The following DZIP1L variants were observed in gnomAD, a reference collection of about 807,000 sequenced individuals.
DZIP1L encodes cilium assembly protein DZIP1L.
A neutral mutation model predicts 88.7 loss-of-function variants in DZIP1L; 90 were observed. The observed-to-expected ratio is 1.02, with a 90% CI of 0.86 to 1.21. The LOEUF (loss-of-function observed/expected upper bound fraction) is 1.21. DZIP1L is among the 50% of genes most tolerant of loss of function. DZIP1L has a pLI of 0.00. For missense variants in DZIP1L, 932 were observed against 955.8 expected (o/e 0.98, Z 0.33); for synonymous variants, 363 against 372.1 (o/e 0.98, Z 0.28).
At chr3:138,103,413 C>T (rs1224227028) in intron 2 of DZIP1L, 58 bp downstream of exon 2, 5 of 1,536,248 alleles carry the variant, frequency 3.3e-6, no homozygotes, top group Admixed American at 3.6e-5. Flanking sequence ...GCAACAGTTG[C>T]CCCAGTGGCT....
intron 2 of DZIP1L, 64 bp downstream of exon 2, chr3:138,103,407 C>T (rs1559860404): frequency 6.6e-7 from 1 of 1,526,150 alleles, no homozygotes; most frequent in Non-Finnish European, 8.8e-7. Context: ...CCAGTGGCAA[C>T]AGTTGCCCCA....
chr3:138,076,182 C>G (rs1271236833), intron 11 of DZIP1L, among the ~76,000 whole-genome samples: 3 of 152,076 alleles, frequency 2.0e-5, no homozygotes, highest in South Asian at 2.1e-4. Context: ...CACTAATTAC[C>G]AGGAAAATGC....
At chr3:138,072,844 G>A (rs1380445415) in intron 11 of DZIP1L, among the ~76,000 whole-genome samples, 1 of 152,128 alleles carries the variant, frequency 6.6e-6, no homozygotes, top group East Asian at 1.9e-4. Flanking sequence ...GAGTGAGACC[G>A]GACTTTAGGA....
intron 11 of DZIP1L, among the ~76,000 whole-genome samples, chr3:138,073,568 C>T (rs781494398): frequency 6.6e-6 from 1 of 152,184 alleles, no homozygotes; most frequent in Non-Finnish European, 1.5e-5. Context: ...TGAACAGCAG[C>T]TCTTGAATCC....
chr3:138,081,813 G>T, intron 8 of DZIP1L, 49 bp from the exon 9 acceptor site: 1 of 1,598,618 alleles, frequency 6.3e-7, no homozygotes, highest in South Asian at 1.1e-5. Flanking sequence ...AGAACATTGT[G>T]AGAACTCTGC....
rs749594667 is a variant in DZIP1L at position 138,081,775 on chromosome 3, G to A, written c.1204-11C>T. 2 of 1,613,102 alleles carry A rather than the reference G, an allele frequency of 1.2e-6. No individual in the cohort carries two copies. The highest frequency in any genetic ancestry group is 1.7e-5 in the Admixed American group (1 of 59,912). On this transcript the variant is annotated splice_polypyrimidine_tract_variant and intron_variant, in intron 8 of 15. Transcript: ENST00000327532. The stretch of plus-strand genomic sequence containing the variant: ...AGACAAGGACTGGATCTGCAAAGAG[G>A]TGGAATAGAGCGGGTTACAACCAGC...
intron 12 of DZIP1L, among the ~76,000 whole-genome samples, chr3:138,070,432 G>A (rs776824517): frequency 1.3e-5 from 2 of 152,132 alleles, no homozygotes; most frequent in Non-Finnish European, 2.9e-5. Flanking sequence ...TTTAAGGCCA[G>A]AAGTTTAAAC....
chr3:138,076,211 G>A (rs1943400063), intron 11 of DZIP1L, among the ~76,000 whole-genome samples: 1 of 152,102 alleles, frequency 6.6e-6, no homozygotes, highest in African/African-American at 2.4e-5. Context: ...ACCACAATGT[G>A]ATACCACCTC....
intron 11 of DZIP1L, among the ~76,000 whole-genome samples, chr3:138,074,583 TA>T (rs752658240): frequency 3.3e-5 from 5 of 152,316 alleles, no homozygotes; most frequent in East Asian, 1.9e-4. Context: ...TTTTTTAATT[TA>T]TTTTTTTATT....
chr3:138,081,004 T>C (rs541053000), intron 9 of DZIP1L, among the ~76,000 whole-genome samples: 2 of 152,076 alleles, frequency 1.3e-5, no homozygotes, highest in Non-Finnish European at 2.9e-5. Flanking sequence ...AGGGTCTCCA[T>C]CCCTCAAGAA....
intron 10 of DZIP1L, among the ~76,000 whole-genome samples, chr3:138,079,041 T>C (rs150116071): frequency 8.4e-4 from 128 of 152,354 alleles, no homozygotes; most frequent in African/African-American, 2.9e-3. Flanking sequence ...AGTTTCTGCT[T>C]CAGTTTGTCT....
intron 10 of DZIP1L, 143 bp from the exon 11 acceptor site, chr3:138,077,775 A>C (rs1943482063): frequency 1.6e-6 from 2 of 1,212,836 alleles, no homozygotes; most frequent in Non-Finnish European, 2.3e-6. Flanking sequence ...TGAGCCCTTA[A>C]AGCAGCTTGC....
At chr3:138,095,842 A>G (rs1032602924) in intron 3 of DZIP1L, among the ~76,000 whole-genome samples, 5 of 152,152 alleles carry the variant, frequency 3.3e-5, no homozygotes, top group Admixed American at 6.6e-5. Flanking sequence ...TAAAGAACCA[A>G]AGCTCCTTTA....
chr3:138,081,487 C>T (rs1943647371), intron 9 of DZIP1L, among the ~76,000 whole-genome samples: 2 of 152,206 alleles, frequency 1.3e-5, no homozygotes, highest in Admixed American at 1.3e-4. Flanking sequence ...TAACCACCCT[C>T]CTCCCCACTG....
chr3:138,063,840 C>G lies in DZIP1L; in HGVS notation c.2142+788G>C, dbSNP rs1942781895. Reference sequence around the variant, plus strand: ...AAACCAAACACACTGTGGTAAAGAGCAGGGAGTGCTATCAAAAACCAAAGA... The same window carrying G: ...AAACCAAACACACTGTGGTAAAGAGGAGGGAGTGCTATCAAAAACCAAAGA... On this transcript the variant is annotated intron_variant, in intron 15 of 15. Transcript: ENST00000327532. This position sits in a 1 kb window ranked among gnomAD's most constrained non-coding sequence, Gnocchi z 4.1. Among the ~76,000 whole-genome samples, 1 of 152,186 alleles carries G rather than the reference C, an allele frequency of 6.6e-6. No individual in the cohort carries two copies. The highest frequency in any genetic ancestry group is 6.5e-5 in the Admixed American group (1 of 15,278).
Position 138,062,559 on chromosome 3 carries a change from C to T in DZIP1L, c.*257G>A. On this transcript the variant is annotated 3_prime_UTR_variant, in exon 16 of 16. Coordinates refer to ENST00000327532, the MANE Select transcript of DZIP1L (RefSeq NM_173543.3). The stretch of plus-strand genomic sequence containing the variant: ...TGTGGAGGTAGAGGAAGAAAACTAC[C>T]TGGAGGTTCTATTTTAACCCTTTCT... 4 of 406,782 alleles carry T rather than the reference C, an allele frequency of 9.8e-6. No individual in the cohort carries two copies. The highest frequency in any genetic ancestry group is 1.8e-5 in the Non-Finnish European group (4 of 224,392). The allele number at this position is 406,782 out of a possible 1,614,324, so 25.2% of individuals were successfully genotyped here.
intron 7 of DZIP1L, 106 bp downstream of exon 7, chr3:138,086,855 C>A: frequency 8.3e-7 from 1 of 1,199,120 alleles, no homozygotes; most frequent in South Asian, 1.4e-5. Flanking sequence ...CCAACCAGTT[C>A]CAGGTGAGAT....
chr3:138,068,093 G>T, intron 13 of DZIP1L, 58 bp downstream of exon 13: 1 of 1,400,308 alleles, frequency 7.1e-7, no homozygotes. Flanking sequence ...GAACAGGACT[G>T]CCTGAATCCA....
At chr3:138,071,880 C>T (rs1164391165) in intron 11 of DZIP1L, 45 bp from the exon 12 acceptor site, 2 of 1,551,614 alleles carry the variant, frequency 1.3e-6, no homozygotes, top group African/African-American at 2.7e-5. Flanking sequence ...GGCTACCCTT[C>T]TTCTCCTTCC....
Sources: allele counts gnomAD v4.1 joint callset (sites outside exome capture counted in the v4.1 genomes callset), GRCh38; gene constraint gnomAD v4.1.1; non-coding constraint Gnocchi (gnomAD v3.1); transcripts MANE v1.5; gene names NCBI Gene and HGNC (gene_info 2026-07-23, HGNC 2026-07-21).